MCM10: variants seen among roughly 807,000 people sequenced by gnomAD.
The protein encoded by MCM10 is protein MCM10 homolog.
A neutral mutation model predicts 109.9 loss-of-function variants in MCM10; 91 were observed. That is an observed-to-expected ratio of 0.83 (90% CI 0.70 to 0.99). The LOEUF is 0.99. Among genes scored for constraint, MCM10 ranks in the 50% least tolerant of loss-of-function variants. The pLI, the probability that MCM10 is intolerant of heterozygous loss-of-function variation, is 0.00. For missense variants in MCM10, 1,077 were observed against 1,061.2 expected, an observed-to-expected ratio of 1.01 and a Z score of -0.21; for synonymous variants, 380 against 387.2, an observed-to-expected ratio of 0.98 and a Z score of 0.22.
chr10:13,164,030 G>C (rs191429284), intron 1 of MCM10, 98 bp from the exon 2 acceptor site: 23 of 447,664 alleles, frequency 5.1e-5, no homozygotes, highest in Non-Finnish European at 8.7e-5. Flanking sequence ...TCTGAGGTTA[G>C]AGCCCATAGG....
chr10:13,174,134 ATTTTTTTTTT>A (rs139116646), intron 5 of MCM10, among the ~76,000 whole-genome samples: 1 of 75,146 alleles, frequency 1.3e-5, no homozygotes, highest in Non-Finnish European at 2.5e-5. Flanking sequence ...CTAGTTTTGG[ATTTTTTTTTT>A]TTTTTTTTTT....
intron 16 of MCM10, 53 bp downstream of exon 16, chr10:13,198,860 C>A: frequency 8.6e-7 from 1 of 1,159,888 alleles, no homozygotes; most frequent in Non-Finnish European, 1.3e-6. Flanking sequence ...CCTTCAAAGC[C>A]AAGGTGCTAG....
chr10:13,188,814 G>T, intron 9 of MCM10, 67 bp from the exon 10 acceptor site: 1 of 1,353,104 alleles, frequency 7.4e-7, no homozygotes, highest in South Asian at 1.2e-5. Flanking sequence ...AGAAGGAACT[G>T]TGTCTGCTCA....
chr10:13,205,782 A>G (rs1026454479), intron 18 of MCM10, among the ~76,000 whole-genome samples: 1 of 152,124 alleles, frequency 6.6e-6, no homozygotes, highest in African/African-American at 2.4e-5. Context: ...CACGGATGGG[A>G]TGCTTGAACC....
intron 9 of MCM10, among the ~76,000 whole-genome samples, chr10:13,188,022 G>GTAATCCCA (rs1834296804): frequency 6.6e-6 from 1 of 152,162 alleles, no homozygotes; most frequent in Non-Finnish European, 1.5e-5. Context: ...GTGCACACCT[G>GTAATCCCA]TAATCCCAGC....
At chr10:13,198,295 A>G (rs1203522611) in intron 15 of MCM10, among the ~76,000 whole-genome samples, 2 of 152,216 alleles carry the variant, frequency 1.3e-5, no homozygotes, top group African/African-American at 4.8e-5. Context: ...TTGTACATAT[A>G]TATATTAGCA....
intron 16 of MCM10, among the ~76,000 whole-genome samples, chr10:13,199,511 C>T (rs1363099429): frequency 6.6e-6 from 1 of 152,134 alleles, no homozygotes; most frequent in Non-Finnish European, 1.5e-5. Flanking sequence ...CAGTAGTTAA[C>T]CCCATCACAC....
intron 14 of MCM10, chr10:13,195,582 GTTTATTTATTTATTTATTTATTTATTTA>G (rs71386164): frequency 1.3e-5 from 2 of 148,416 alleles, no homozygotes; most frequent in African/African-American, 2.5e-5. Context: ...CTTTTTTTAC[GTTTATTTATTTATTTATTTATTTATTTA>G]TTTATTTATT....
chr10:13,163,545 A>G (rs1407671241), intron 1 of MCM10, among the ~76,000 whole-genome samples: 3 of 152,174 alleles, frequency 2.0e-5, no homozygotes, highest in Non-Finnish European at 2.9e-5. Flanking sequence ...TTTGCTGACT[A>G]GTATTGAATC....
At chr10:13,204,192 G>A (rs1371130088) in intron 17 of MCM10, 27 bp from the exon 18 acceptor site, 3 of 1,606,070 alleles carry the variant, frequency 1.9e-6, no homozygotes, top group Admixed American at 1.7e-5. Context: ...TTCACCGGCG[G>A]TGTGGGTTTT....
At chr10:13,194,844 A>G (rs1834394061) in intron 13 of MCM10, among the ~76,000 whole-genome samples, 197 bp from the exon 14 acceptor site, 1 of 152,214 alleles carries the variant, frequency 6.6e-6, no homozygotes, top group African/African-American at 2.4e-5. Context: ...AGAAAACTCA[A>G]TTAAGGAGGA....
chr10:13,170,930 G>C lies in MCM10; in HGVS notation c.16G>C (p.Asp6His), dbSNP rs781001939. MDEEE[D>H]NLSLLTALLE... ...CTCTTCTTTTCCCCTAGAGGAGGAA[G>C]ACAATCTGTCTCTGCTGACCGCACT... Residue 6 changes from aspartate (D) to histidine (H), a missense_variant, in exon 3 of 20, where the codon GAC (aspartate) becomes CAC (histidine). Transcript: ENST00000378714. The C allele has an allele frequency of 6.2e-7, 1 of 1,612,390 alleles. No homozygotes were observed. Among genetic ancestry groups the C allele is most frequent in the East Asian group, 2.2e-5 (1 of 44,866 alleles).
At chr10:13,164,428 A>C (rs1365886372) in intron 2 of MCM10, among the ~76,000 whole-genome samples, 2 of 152,168 alleles carry the variant, frequency 1.3e-5, no homozygotes, top group African/African-American at 4.8e-5. Context: ...TGTCTTTCAT[A>C]ATTACAATAG....
chr10:13,204,699 CAA>C (rs1209962697), intron 18 of MCM10, among the ~76,000 whole-genome samples: 1 of 152,004 alleles, frequency 6.6e-6, no homozygotes, highest in Non-Finnish European at 1.5e-5. Flanking sequence ...TTCCTCTCTC[CAA>C]AGAGTTATTT....
chr10:13,171,331 T>A (rs1192487138), intron 3 of MCM10, 68 bp downstream of exon 3: 2 of 1,363,932 alleles, frequency 1.5e-6, no homozygotes, highest in Non-Finnish European at 2.0e-6. Flanking sequence ...ATCTGATAGT[T>A]GTCATCAAAA....
At chr10:13,193,133 G>T (rs1564389977) in intron 13 of MCM10, among the ~76,000 whole-genome samples, 1 of 151,970 alleles carries the variant, frequency 6.6e-6, no homozygotes, top group Non-Finnish European at 1.5e-5. Context: ...GCCTGGATTT[G>T]CCTGGCTGCC....
chr10:13,195,697 T>G (rs1834411104), intron 14 of MCM10: 1 of 152,100 alleles, frequency 6.6e-6, no homozygotes, highest in African/African-American at 2.4e-5. Context: ...TGCAACCTCC[T>G]CCTCCCAGAT....
chr10:13,170,081 G>A (rs1834050856), intron 2 of MCM10, among the ~76,000 whole-genome samples: 2 of 152,136 alleles, frequency 1.3e-5, no homozygotes, highest in African/African-American at 4.8e-5. Context: ...AATGCAGTGT[G>A]GAATATTTAT....
intron 10 of MCM10, among the ~76,000 whole-genome samples, 194 bp from the exon 11 acceptor site, chr10:13,191,105 C>G (rs1412362984): frequency 1.3e-5 from 2 of 152,122 alleles, no homozygotes; most frequent in African/African-American, 2.4e-5. Flanking sequence ...TAGGCTGCCT[C>G]TAGCTTTTCC....
Sources: allele counts gnomAD v4.1 joint callset (sites outside exome capture counted in the v4.1 genomes callset), GRCh38; gene constraint gnomAD v4.1.1; transcripts MANE v1.5; gene names NCBI Gene and HGNC (gene_info 2026-07-23, HGNC 2026-07-21).